MIER1: variants seen among roughly 807,000 people sequenced by gnomAD.
MIER1 encodes mesoderm induction early response protein 1.
In MIER1, 40 loss-of-function variants were observed where a neutral mutation model predicts 75.7. The ratio of observed to expected loss-of-function variants is 0.53; its 90% CI spans 0.41 to 0.69. The LOEUF (loss-of-function observed/expected upper bound fraction) is 0.69. Ranked by LOEUF, MIER1 falls within the 30% of genes least tolerant of loss-of-function variation. MIER1 has a pLI of 0.00. For missense variants in MIER1, 574 were observed against 680.2 expected, an observed-to-expected ratio of 0.84 and a Z score of 1.74; for synonymous variants, 213 against 223.4, an observed-to-expected ratio of 0.95 and a Z score of 0.42.
intron 2 of MIER1, among the ~76,000 whole-genome samples, chr1:66,933,132 A>G (rs769943662): frequency 2.6e-5 from 4 of 152,150 alleles, no homozygotes; most frequent in Non-Finnish European, 5.9e-5. Context: ...ATTATTTACC[A>G]ACCTTCTAAA....
intron 12 of MIER1, among the ~76,000 whole-genome samples, chr1:66,981,434 C>A (rs1177180551): frequency 6.6e-6 from 1 of 152,074 alleles, no homozygotes; most frequent in Non-Finnish European, 1.5e-5. Context: ...TACAGAAATT[C>A]TTTTGTACTT....
chr1:66,925,334 C>T, intron 1 of MIER1: 1 of 985,476 alleles, frequency 1.0e-6, no homozygotes, highest in Non-Finnish European at 1.2e-6. Flanking sequence ...CCCAGCGCCG[C>T]CTTTTTGCCT....
intron 7 of MIER1, among the ~76,000 whole-genome samples, chr1:66,962,601 G>C (rs1172801469): frequency 6.6e-6 from 1 of 152,108 alleles, no homozygotes; most frequent in Non-Finnish European, 1.5e-5. Context: ...AGAATTGCTT[G>C]AGCCTGGGAG....
chr1:66,981,928 C>G lies in MIER1; in HGVS notation c.1369+10C>G. ...ACTGCTAATCAAAATGGTAAGCAACCAGAGAAACATTTCTCTTTCTTCATA... is the reference window on the plus strand; with the variant it reads ...ACTGCTAATCAAAATGGTAAGCAACGAGAGAAACATTTCTCTTTCTTCATA... On this transcript the variant is annotated intron_variant, in intron 13 of 13. Transcript: ENST00000401041. The G allele has an allele frequency of 6.2e-7, 1 of 1,612,358 alleles. No individual in the cohort carries two copies. The highest frequency in any genetic ancestry group is 8.5e-7 in the Non-Finnish European group (1 of 1,178,984).
intron 2 of MIER1, chr1:66,930,115 G>A (rs1019748570): frequency 3.2e-6 from 3 of 925,232 alleles, no homozygotes; most frequent in East Asian, 8.3e-5. Flanking sequence ...CGCTCTTCCC[G>A]GGGAGGGCTG....
intron 8 of MIER1, among the ~76,000 whole-genome samples, chr1:66,964,025 G>A (rs1289341865): frequency 6.7e-6 from 1 of 150,028 alleles, no homozygotes; most frequent in East Asian, 2.0e-4. Context: ...CATTTCATTT[G>A]AAAGTCCTGA....
At chr1:66,931,621 T>A (rs1653392068) in intron 2 of MIER1, among the ~76,000 whole-genome samples, 2 of 152,122 alleles carry the variant, frequency 1.3e-5, no homozygotes, top group Non-Finnish European at 2.9e-5. Context: ...TAAATTTAGA[T>A]CTTAGATTTA....
intron 2 of MIER1, among the ~76,000 whole-genome samples, chr1:66,937,433 A>G (rs1655171081): frequency 6.6e-6 from 1 of 151,990 alleles, no homozygotes; most frequent in African/African-American, 2.4e-5. Context: ...AAAAACACAA[A>G]AGTTAGCGAG....
chr1:66,978,209 A>AAAAG (rs60711286), intron 12 of MIER1, among the ~76,000 whole-genome samples: 29,696 of 149,390 alleles, frequency 0.2, 3,379 homozygotes, highest in Non-Finnish European at 0.25. Flanking sequence ...AAAAAAAAAA[A>AAAAG]AAAGATGTGC....
Position 66,946,187 on chromosome 1 carries a change from A to T in MIER1, c.231A>T (p.Pro77=). Residue 77 remains proline, a synonymous_variant, in exon 4 of 14, where the codon CCA becomes CCT. Coordinates refer to ENST00000401041, the MANE Select transcript of MIER1 (RefSeq NM_001077700.3). ...SATSDDHEFD[P]SADMLVHDFD... ...CATCAGATGACCATGAATTTGATCC[A>T]TCAGCTGACATGCTGGTTCATGATT... 1 of 1,611,834 alleles carries T rather than the reference A, an allele frequency of 6.2e-7. No individual in the cohort carries two copies. Among genetic ancestry groups the T allele is most frequent in the Non-Finnish European group, 8.5e-7 (1 of 1,179,546 alleles).
intron 12 of MIER1, among the ~76,000 whole-genome samples, chr1:66,980,166 A>T (rs1665599650): frequency 2.0e-5 from 3 of 152,218 alleles, no homozygotes; most frequent in Admixed American, 2.0e-4. Context: ...TAGCACCTGA[A>T]GTCCCTTTGG....
rs1216881268 is a variant in MIER1, at chr1:66,925,135, C to A, written c.67+40C>A. The stretch of plus-strand genomic sequence containing the variant: ...CACAAGCCATCTCTCCCCTTCTATT[C>A]CAGTTTGGGATGAGGGGCTCCTGAG... On this transcript the variant is annotated intron_variant, in intron 1 of 13. Transcript: ENST00000401041. 3 of 1,540,570 alleles carry A rather than the reference C, an allele frequency of 1.9e-6. No homozygotes were observed. In the South Asian group the frequency reaches 3.6e-5, roughly 19 times the overall value.
At chr1:66,941,961 T>C (rs1360898333) in intron 3 of MIER1, among the ~76,000 whole-genome samples, 1 of 109,536 alleles carries the variant, frequency 9.1e-6, no homozygotes, top group Non-Finnish European at 1.8e-5. Flanking sequence ...AGAGCGAGAC[T>C]CCTTCTCTCA....
At chr1:66,939,294 A>G (rs956774584) in intron 2 of MIER1, among the ~76,000 whole-genome samples, 1 of 152,180 alleles carries the variant, frequency 6.6e-6, no homozygotes, top group Non-Finnish European at 1.5e-5. Flanking sequence ...AAGCAGTAAC[A>G]TTACTAAAAT....
intron 4 of MIER1, chr1:66,946,713 A>C (rs1486293696): frequency 3.0e-6 from 3 of 986,468 alleles, no homozygotes; most frequent in African/African-American, 1.7e-5. Context: ...TCTCCACTAC[A>C]TAAAGTGCTC....
At chr1:66,936,859 C>T (rs531975337) in intron 2 of MIER1, among the ~76,000 whole-genome samples, 80 of 151,296 alleles carry the variant, frequency 5.3e-4, no homozygotes, top group Admixed American at 7.9e-4. Context: ...ATTAGCCAGA[C>T]GTGGTGGTGT....
At position 66,925,250 on chromosome 1, in the gene MIER1, A is replaced by G. The variant is rs868374186; in HGVS notation, c.67+155A>G. On this transcript the variant is annotated intron_variant, in intron 1 of 13. Transcript: ENST00000401041. ...AACTTCCGGGGAGGGGCTGCCGCAG[A>G]ACGCGCCTGGCTTGCTCTCCGCCGG... 9 of 983,736 alleles carry G rather than the reference A, an allele frequency of 9.1e-6. No homozygotes were observed. In the Admixed American group the frequency reaches 2.5e-4, roughly 27 times the overall value. The allele number at this position is 983,736 out of a possible 1,614,324, so 60.9% of individuals were successfully genotyped here. A position where few individuals can be genotyped will look rare whatever the true frequency, so the allele number is the denominator to read the frequency against.
intron 2 of MIER1, among the ~76,000 whole-genome samples, chr1:66,937,005 AAAAAAAAAAAAAAAAGAGAAAAAG>A (rs1655030551): frequency 1.3e-5 from 2 of 150,808 alleles, no homozygotes; most frequent in Non-Finnish European, 3.0e-5. Context: ...TCTCAAAAAA[AAAAAAAAAAAAAAAAGAGAAAAAG>A]AAAAAAGTGA....
At chr1:66,983,025 A>C (rs1169903986) in intron 13 of MIER1, among the ~76,000 whole-genome samples, 2 of 152,124 alleles carry the variant, frequency 1.3e-5, no homozygotes, top group Non-Finnish European at 2.9e-5. Flanking sequence ...ACACCAAATC[A>C]TTTTCTTTTC....
Sources: allele counts gnomAD v4.1 joint callset (sites outside exome capture counted in the v4.1 genomes callset), GRCh38; gene constraint gnomAD v4.1.1; transcripts MANE v1.5; gene names NCBI Gene and HGNC (gene_info 2026-07-23, HGNC 2026-07-21).